The following NBAS variants were observed in gnomAD, a reference collection of about 807,000 sequenced individuals.
The protein encoded by NBAS is NAG/BC035112 fusion.
A neutral mutation model predicts 302.5 loss-of-function variants in NBAS; 219 were observed. The observed-to-expected ratio is 0.72, with a 90% CI of 0.65 to 0.81. The LOEUF is 0.81. NBAS is among the 30% of genes least tolerant of loss of function. The pLI, the probability that NBAS is intolerant of heterozygous loss-of-function variation, is 0.00. For synonymous variants in NBAS, 1,118 were observed against 1,021.6 expected (o/e 1.09, Z -1.80); for missense variants, 2,932 against 2,841.6 (o/e 1.03, Z -0.72).
rs544908885 is a variant in NBAS, at chr2:15,330,584, G to C, written c.4347+14C>G. Reference sequence around the variant, plus strand: ...CCATGCAGTTGATTTTAAAAAGAAAGATGCACTGCTTACCTGAAGGGGTCG... The same window carrying C: ...CCATGCAGTTGATTTTAAAAAGAAACATGCACTGCTTACCTGAAGGGGTCG... On this transcript the variant is annotated intron_variant, in intron 36 of 51. Transcript: ENST00000281513. 5 of 1,613,454 alleles carry C rather than the reference G, an allele frequency of 3.1e-6. No homozygotes were observed. The highest frequency in any genetic ancestry group is 1.7e-4 in the Middle Eastern group (1 of 6,054).
chr2:15,054,839 G>A, the NBAS span, among the ~76,000 whole-genome samples: 1 of 152,154 alleles, frequency 6.6e-6, no homozygotes, highest in African/African-American at 2.4e-5. Context: ...GTGCTCCACT[G>A]AACACCAGTT....
At chr2:15,372,305 G>A (rs1411520922) in intron 31 of NBAS, among the ~76,000 whole-genome samples, 3 of 152,138 alleles carry the variant, frequency 2.0e-5, no homozygotes, top group African/African-American at 7.2e-5. Flanking sequence ...CTCACACATA[G>A]GGAGTCATTT....
At chr2:15,453,429 G>T (rs944594748) in intron 21 of NBAS, among the ~76,000 whole-genome samples, 5 of 152,112 alleles carry the variant, frequency 3.3e-5, no homozygotes, top group African/African-American at 1.2e-4. Context: ...TGAAGATGGG[G>T]ACTAGGTATA....
chr2:15,023,716 G>C, the NBAS span, among the ~76,000 whole-genome samples: 2 of 149,310 alleles, frequency 1.3e-5, no homozygotes, highest in African/African-American at 4.9e-5. Context: ...ACTGGTATTT[G>C]CTTTTCTCTA....
chr2:15,320,683 A>G (rs1274668085), intron 38 of NBAS, among the ~76,000 whole-genome samples: 1 of 152,178 alleles, frequency 6.6e-6, no homozygotes, highest in East Asian at 1.9e-4. Flanking sequence ...TAGGAATACA[A>G]TTTACAAGGG....
At chr2:15,181,476 CT>C (rs896095696) in intron 50 of NBAS, among the ~76,000 whole-genome samples, 3 of 152,158 alleles carry the variant, frequency 2.0e-5, no homozygotes, top group Non-Finnish European at 2.9e-5. Context: ...TACTTTCCCC[CT>C]GTGTTGCAAG....
the NBAS span, among the ~76,000 whole-genome samples, chr2:14,849,040 C>A: frequency 7.9e-5 from 12 of 151,222 alleles, no homozygotes; most frequent in African/African-American, 2.9e-4. Flanking sequence ...CAAAGGAACG[C>A]AGTTCCTCAC....
intron 11 of NBAS, among the ~76,000 whole-genome samples, chr2:15,503,687 T>C (rs1399235692): frequency 6.6e-6 from 1 of 152,108 alleles, no homozygotes; most frequent in Non-Finnish European, 1.5e-5. Flanking sequence ...AGTAAAACAA[T>C]GGTACTTAAA....
the NBAS span, among the ~76,000 whole-genome samples, chr2:15,056,798 A>C: frequency 6.6e-6 from 1 of 151,352 alleles, no homozygotes. Flanking sequence ...CGGGGACCAA[A>C]GACCCAGCCC....
At chr2:14,788,114 C>A in the NBAS span, among the ~76,000 whole-genome samples, 2 of 152,248 alleles carry the variant, frequency 1.3e-5, no homozygotes, top group East Asian at 3.9e-4. Flanking sequence ...TTGATCGCAT[C>A]GGCTCCTGAG....
intron 21 of NBAS, among the ~76,000 whole-genome samples, chr2:15,445,966 C>A: frequency 6.7e-6 from 1 of 149,242 alleles, no homozygotes. Flanking sequence ...AAAAGAATAG[C>A]AAATTTAAGG....
chr2:15,444,098 A>G (rs997899983), intron 21 of NBAS, among the ~76,000 whole-genome samples: 5 of 151,900 alleles, frequency 3.3e-5, no homozygotes, highest in African/African-American at 1.2e-4. Context: ...TTATAGATTC[A>G]ATGCCATCCC....
intron 30 of NBAS, 53 bp downstream of exon 30, chr2:15,379,549 G>T (rs1255096825): frequency 6.6e-7 from 1 of 1,520,448 alleles, no homozygotes; most frequent in Non-Finnish European, 9.1e-7. Context: ...AATGCAGTTT[G>T]TACATTCTGA....
chr2:14,876,266 G>A, the NBAS span, among the ~76,000 whole-genome samples: 1 of 152,232 alleles, frequency 6.6e-6, no homozygotes, highest in Middle Eastern at 3.4e-3. Context: ...TATCAAGTAT[G>A]TCCATTCCAA....
At chr2:15,393,059 T>G (rs11682528) in intron 28 of NBAS, among the ~76,000 whole-genome samples, 2 of 151,654 alleles carry the variant, frequency 1.3e-5, no homozygotes, top group Admixed American at 1.3e-4. Flanking sequence ...ATACAAAAAG[T>G]TTTTTGACCC....
the NBAS span, among the ~76,000 whole-genome samples, chr2:14,830,706 T>A: frequency 6.6e-6 from 1 of 152,118 alleles, no homozygotes; most frequent in Non-Finnish European, 1.5e-5. Context: ...AGGGCAGCTT[T>A]GCATGAATGA....
the NBAS span, among the ~76,000 whole-genome samples, chr2:14,779,135 C>T: frequency 0.02 from 3,079 of 152,164 alleles, 112 homozygotes; most frequent in African/African-American, 0.071. Flanking sequence ...AGCAGAACAC[C>T]AATATCCAGG....
intron 42 of NBAS, among the ~76,000 whole-genome samples, chr2:15,284,026 G>A (rs1669935052): frequency 6.6e-6 from 1 of 152,116 alleles, no homozygotes; most frequent in Non-Finnish European, 1.5e-5. Flanking sequence ...TGCCCCAGTG[G>A]AACCAAGAGG....
chr2:15,176,469 A>ACG (rs1456792130), intron 51 of NBAS, among the ~76,000 whole-genome samples: 3 of 152,078 alleles, frequency 2.0e-5, no homozygotes, highest in African/African-American at 7.2e-5. Context: ...ACACACACAC[A>ACG]CACACACACA....
Sources: allele counts gnomAD v4.1 joint callset (sites outside exome capture counted in the v4.1 genomes callset), GRCh38; gene constraint gnomAD v4.1.1; transcripts MANE v1.5; gene names NCBI Gene and HGNC (gene_info 2026-07-23, HGNC 2026-07-21).